Variants in KHDRBS2 observed in about 807,000 individuals in gnomAD.
The protein encoded by KHDRBS2 is KH domain-containing, RNA-binding, signal transduction-associated protein 2.
Under a neutral mutation model 44.3 loss-of-function variants are expected in KHDRBS2, and 26 were observed. The observed-to-expected ratio is 0.59, with a 90% CI of 0.43 to 0.81. The LOEUF (loss-of-function observed/expected upper bound fraction) is 0.81, where lower values mean the gene tolerates loss of function less well. Among genes scored for constraint, KHDRBS2 ranks in the 40% least tolerant of loss-of-function variants. The pLI, the probability that KHDRBS2 is intolerant of heterozygous loss-of-function variation, is 0.00. For synonymous variants in KHDRBS2, 194 were observed against 151.1 expected, an observed-to-expected ratio of 1.28 and a Z score of -2.08; for missense variants, 476 against 433.1, an observed-to-expected ratio of 1.10 and a Z score of -0.88.
intron 2 of KHDRBS2, among the ~76,000 whole-genome samples, chr6:62,150,774 A>G (rs1814985903): frequency 6.6e-6 from 1 of 152,122 alleles, no homozygotes; most frequent in Non-Finnish European, 1.5e-5. Context: ...GCTTTGTGTC[A>G]CAGAAGGCTT....
rs147861604 is a variant in KHDRBS2, at chr6:61,934,470, T to C, written c.484-33099A>G. ...CACACTGATACAAGCTGTAATAGAG[T>C]ATATGCATTGTCAGTCTAGGATACT... On this transcript the variant is annotated intron_variant, in intron 4 of 8. Coordinates refer to ENST00000281156, the MANE Select transcript of KHDRBS2 (RefSeq NM_152688.4). Among the ~76,000 whole-genome samples the C allele has an allele frequency of 3.0e-4, 46 of 152,194 alleles. 1 individual carries two copies. In the East Asian group the frequency reaches 7.9e-3, roughly 26 times the overall value.
the KHDRBS2 span, among the ~76,000 whole-genome samples, chr6:61,624,437 C>T: frequency 1.3e-5 from 2 of 152,138 alleles, no homozygotes; most frequent in African/African-American, 4.8e-5. Context: ...AGGAGATCAC[C>T]CTCACAGGGA....
At chr6:62,077,281 CTTTCAGACCTACCAGAAGCAATTATGAAA>C (rs1434145063) in intron 2 of KHDRBS2, among the ~76,000 whole-genome samples, 1 of 151,998 alleles carries the variant, frequency 6.6e-6, no homozygotes, top group Non-Finnish European at 1.5e-5. Context: ...TATGTATGAT[CTTTCAGACCTACCAGAAGCAATTATGAAA>C]TTGCCTGCCA....
intron 3 of KHDRBS2, among the ~76,000 whole-genome samples, chr6:62,036,648 C>T (rs1477160587): frequency 6.6e-6 from 1 of 151,920 alleles, no homozygotes; most frequent in African/African-American, 2.4e-5. Context: ...TGTATTTCTT[C>T]CAATGTTTTG....
chr6:61,668,900 G>A, the KHDRBS2 span, among the ~76,000 whole-genome samples: 2 of 150,894 alleles, frequency 1.3e-5, no homozygotes, highest in African/African-American at 4.8e-5. Context: ...CACAGACTGG[G>A]ACAAATCAAT....
chr6:62,185,229 G>T (rs1462030677), intron 1 of KHDRBS2, among the ~76,000 whole-genome samples: 1 of 151,796 alleles, frequency 6.6e-6, no homozygotes, highest in Non-Finnish European at 1.5e-5. Flanking sequence ...CATCGTTATA[G>T]CCTCGGTTAT....
At chr6:62,237,456 T>G (rs1488728694) in intron 1 of KHDRBS2, among the ~76,000 whole-genome samples, 1 of 152,142 alleles carries the variant, frequency 6.6e-6, no homozygotes, top group Non-Finnish European at 1.5e-5. Flanking sequence ...AAATGCATAA[T>G]TGGATATAGA....
intron 6 of KHDRBS2, among the ~76,000 whole-genome samples, chr6:61,754,662 G>T (rs1778227099): frequency 7.0e-6 from 1 of 143,158 alleles, no homozygotes; most frequent in East Asian, 2.1e-4. Flanking sequence ...ATTGATTATT[G>T]TAAAAAGATT....
At chr6:61,993,294 G>GA (rs1776489504) in intron 3 of KHDRBS2, among the ~76,000 whole-genome samples, 1 of 151,840 alleles carries the variant, frequency 6.6e-6, no homozygotes, top group Non-Finnish European at 1.5e-5. Flanking sequence ...TAGTATCACC[G>GA]AAAACCTTTC....
intron 3 of KHDRBS2, among the ~76,000 whole-genome samples, chr6:61,989,886 A>C (rs780877709): frequency 1.1e-4 from 16 of 152,140 alleles, no homozygotes; most frequent in Admixed American, 2.6e-4. Flanking sequence ...ACAGGGAAGA[A>C]ATCTGCTTTC....
chr6:62,192,590 T>G (rs891310857), intron 1 of KHDRBS2, among the ~76,000 whole-genome samples: 8 of 152,148 alleles, frequency 5.3e-5, no homozygotes, highest in African/African-American at 1.9e-4. Flanking sequence ...CATTAGGCAT[T>G]CCTTGTGTTT....
intron 6 of KHDRBS2, among the ~76,000 whole-genome samples, chr6:61,833,896 C>A (rs1399424504): frequency 6.6e-6 from 1 of 152,044 alleles, no homozygotes; most frequent in African/African-American, 2.4e-5. Context: ...TCTTCCTCTA[C>A]CCTTCATTTG....
intron 1 of KHDRBS2, among the ~76,000 whole-genome samples, chr6:62,264,817 A>C (rs1394692735): frequency 6.6e-6 from 1 of 151,642 alleles, no homozygotes; most frequent in Non-Finnish European, 1.5e-5. Flanking sequence ...TATTATAGTC[A>C]TTGAATCAAA....
intron 4 of KHDRBS2, among the ~76,000 whole-genome samples, chr6:61,936,095 T>A (rs56254604): frequency 0.19 from 29,059 of 152,080 alleles, 2,964 homozygotes; most frequent in Non-Finnish European, 0.23. Context: ...TTTCGCAATG[T>A]GCCCTTTCAG....
At chr6:61,573,792 GAA>G in the KHDRBS2 span, among the ~76,000 whole-genome samples, 519 of 145,970 alleles carry the variant, frequency 3.6e-3, 4 homozygotes, top group African/African-American at 0.011. Flanking sequence ...TCTGTCTCAG[GAA>G]AAAAAAAAAA....
intron 6 of KHDRBS2, among the ~76,000 whole-genome samples, chr6:61,852,028 C>A (rs1363911836): frequency 6.6e-6 from 1 of 151,920 alleles, no homozygotes; most frequent in Admixed American, 6.6e-5. Context: ...TCAAGACCAG[C>A]CTGGCCAACA....
intron 6 of KHDRBS2, among the ~76,000 whole-genome samples, chr6:61,808,158 A>C (rs971941813): frequency 3.9e-5 from 6 of 152,098 alleles, no homozygotes; most frequent in Non-Finnish European, 8.8e-5. Context: ...AAGTCAAGTA[A>C]TATGTGGGGG....
At chr6:61,884,967 G>T (rs1223967128) in intron 6 of KHDRBS2, among the ~76,000 whole-genome samples, 4 of 151,884 alleles carry the variant, frequency 2.6e-5, no homozygotes, top group African/African-American at 9.7e-5. Flanking sequence ...TTAAGAAAAA[G>T]ATTTAAAAAA....
chr6:61,936,161 TATGTACATAC>T, intron 4 of KHDRBS2, among the ~76,000 whole-genome samples: 1 of 152,234 alleles, frequency 6.6e-6, no homozygotes, highest in East Asian at 1.9e-4. Flanking sequence ...ATAAATATGG[TATGTACATAC>T]ATTTTACCTT....
Sources: allele counts gnomAD v4.1 joint callset (sites outside exome capture counted in the v4.1 genomes callset), GRCh38; gene constraint gnomAD v4.1.1; transcripts MANE v1.5; gene names NCBI Gene and HGNC (gene_info 2026-07-23, HGNC 2026-07-21).